The following EMID1 variants were observed in gnomAD, a reference collection of about 807,000 sequenced individuals.
The protein encoded by EMID1 is EMI domain-containing protein 1.
In EMID1, 40 loss-of-function variants were observed where a neutral mutation model predicts 60.6. That is an observed-to-expected ratio of 0.66 (90% confidence interval 0.51 to 0.86). The LOEUF (loss-of-function observed/expected upper bound fraction) is 0.86, where lower values mean the gene tolerates loss of function less well. EMID1 is among the 40% of genes least tolerant of loss of function. EMID1 has a pLI of 0.00. For missense variants in EMID1, 585 were observed against 597.1 expected (o/e 0.98, Z 0.21); for synonymous variants, 242 against 231.0 (o/e 1.05, Z -0.43).
intron 13 of EMID1, among the ~76,000 whole-genome samples, chr22:29,244,061 A>G (rs1461600325): frequency 6.6e-6 from 1 of 152,228 alleles, no homozygotes; most frequent in African/African-American, 2.4e-5. Context: ...ACTGCTATGT[A>G]CACGTTTGAT....
intron 13 of EMID1, among the ~76,000 whole-genome samples, chr22:29,247,306 T>A (rs1477965597): frequency 6.6e-6 from 1 of 152,232 alleles, no homozygotes; most frequent in Non-Finnish European, 1.5e-5. Context: ...GTTGGTACAA[T>A]GAATGTCATT....
intron 3 of EMID1, among the ~76,000 whole-genome samples, chr22:29,224,321 G>A (rs941155962): frequency 6.6e-6 from 1 of 152,214 alleles, no homozygotes; most frequent in Non-Finnish European, 1.5e-5. Flanking sequence ...GAAGGCCTGG[G>A]GGGCTGAGGG....
chr22:29,221,066 CGTGTGTGTGT>C (rs59651061), intron 3 of EMID1, among the ~76,000 whole-genome samples: 8,794 of 99,920 alleles, frequency 0.088, 497 homozygotes, highest in Admixed American at 0.097. Context: ...GGGGTGGGAA[CGTGTGTGTGT>C]GTGTGTGTGT....
At chr22:29,242,888 T>C (rs2041200558) in intron 12 of EMID1, among the ~76,000 whole-genome samples, 1 of 152,228 alleles carries the variant, frequency 6.6e-6, no homozygotes, top group South Asian at 2.1e-4. Context: ...CTCTGTCTCC[T>C]ATATGGTGGG....
intron 13 of EMID1, 151 bp from the exon 14 acceptor site, chr22:29,254,052 G>A (rs2041618424): frequency 6.6e-7 from 1 of 1,524,630 alleles, no homozygotes; most frequent in Non-Finnish European, 8.8e-7. Flanking sequence ...TCCTCACCTG[G>A]TCTTGTTCTG....
chr22:29,231,783 C>A (rs2040758918), intron 7 of EMID1, 101 bp downstream of exon 7: 2 of 1,176,226 alleles, frequency 1.7e-6, no homozygotes, highest in East Asian at 2.7e-5. Flanking sequence ...TGGGCCCTTT[C>A]ATCTACTTGC....
chr22:29,209,845 TAAG>T (rs2039813593), intron 1 of EMID1, among the ~76,000 whole-genome samples: 1 of 151,828 alleles, frequency 6.6e-6, no homozygotes. Flanking sequence ...GTGAGCAGAA[TAAG>T]AAGTGAAGGG....
At chr22:29,250,150 A>G (rs1325262348) in intron 13 of EMID1, among the ~76,000 whole-genome samples, 1 of 152,172 alleles carries the variant, frequency 6.6e-6, no homozygotes, top group Non-Finnish European at 1.5e-5. Flanking sequence ...CAGCTACTTG[A>G]GAGGCTGAGA....
chr22:29,245,887 A>G (rs1313175009), intron 13 of EMID1, among the ~76,000 whole-genome samples: 1 of 152,206 alleles, frequency 6.6e-6, no homozygotes, highest in African/African-American at 2.4e-5. Context: ...TCCTAGGGCC[A>G]GAGAACCAGC....
chr22:29,233,638 C>T lies in EMID1; in HGVS notation c.938C>T (p.Thr313Ile). The T allele has an allele frequency of 6.2e-7, 1 of 1,614,018 alleles. No homozygotes were observed. Among genetic ancestry groups the T allele is most frequent in the Non-Finnish European group, 8.5e-7 (1 of 1,179,890 alleles). ...PMGPPGPPGP[T>I]GVPGSPGHIG... ...GGTCCCCCTGGGCCTCCTGGCCCCA[C>T]AGGTGTCCCTGGGAGTCCTGGTCAC... The change falls in exon 10 of 15, where the codon ACA becomes ATA. Residue 313 changes from threonine to isoleucine, a missense_variant. Thr to Ile is a moderately conservative substitution (Grantham distance 89). Transcript: ENST00000334018.
In EMID1 at chr22:29,215,592, G is replaced by T; in HGVS notation, c.281G>T (p.Arg94Met). The T allele has an allele frequency of 1.9e-6, 3 of 1,614,132 alleles. No homozygotes were observed. Among genetic ancestry groups the T allele is most frequent in the Non-Finnish European group, 1.7e-6 (2 of 1,179,978 alleles). Residue 94 changes from arginine (R) to methionine (M), a missense_variant, in exon 3 of 15, where the codon AGG becomes ATG. Transcript: ENST00000334018. ...AAGATAGTGACCGCCCGTGAGTGGAGGTGCTGCCCTGGGCACTCAGGAGTG... is the reference window on the plus strand; with the variant it reads ...AAGATAGTGACCGCCCGTGAGTGGATGTGCTGCCCTGGGCACTCAGGAGTG... ...MYKIVTAREW[R>M]CCPGHSGVSC...
intron 5 of EMID1, 123 bp from the exon 6 acceptor site, chr22:29,230,897 A>G: frequency 1.5e-6 from 2 of 1,302,962 alleles, no homozygotes; most frequent in Non-Finnish European, 1.0e-6. Flanking sequence ...TTGAGGCTGC[A>G]TGAGCCGTCA....
intron 3 of EMID1, among the ~76,000 whole-genome samples, chr22:29,217,388 G>C (rs2040126628): frequency 6.6e-6 from 1 of 152,256 alleles, no homozygotes; most frequent in African/African-American, 2.4e-5. Flanking sequence ...CGTGGGTATG[G>C]GATATCTGAG....
chr22:29,256,166 C>T (rs944949542), intron 14 of EMID1, among the ~76,000 whole-genome samples: 1 of 152,110 alleles, frequency 6.6e-6, no homozygotes, highest in African/African-American at 2.4e-5. Context: ...CATGTCCAAC[C>T]TCGCATCTAT....
rs189202474 is a variant in EMID1, at chr22:29,234,362, G to A, written c.1074+13G>A. On this transcript the variant is annotated intron_variant, in intron 12 of 14. Coordinates refer to ENST00000334018, the MANE Select transcript of EMID1 (RefSeq NM_133455.4). ...TGCTGGGCAGCGGGTAAGTGTTGCT[G>A]TCTGTCCCGCATTCATCCCTGCAGG... The A allele has an allele frequency of 6.2e-7, 1 of 1,612,450 alleles. No homozygotes were observed. Among genetic ancestry groups the A allele is most frequent in the Non-Finnish European group, 8.5e-7 (1 of 1,179,596 alleles).
intron 3 of EMID1, among the ~76,000 whole-genome samples, chr22:29,216,894 G>A (rs540833859): frequency 6.6e-6 from 1 of 152,362 alleles, no homozygotes; most frequent in South Asian, 2.1e-4. Context: ...ACACCCCTGC[G>A]GAGAGGCAGC....
chr22:29,228,338 A>T (rs976223228), intron 5 of EMID1, among the ~76,000 whole-genome samples: 1 of 152,126 alleles, frequency 6.6e-6, no homozygotes, highest in African/African-American at 2.4e-5. Context: ...GAAAAAAAAA[A>T]GTAATTAATT....
rs763754361 is a variant in EMID1 at position 29,234,097 on chromosome 22, C to A, written c.967-40C>A. ...TTCCCAAGCCCCTGCCCACTCCATCCTGCCCCAACACAAGGCTGAGGCCCT... is the reference window on the plus strand; with the variant it reads ...TTCCCAAGCCCCTGCCCACTCCATCATGCCCCAACACAAGGCTGAGGCCCT... On this transcript the variant is annotated intron_variant, in intron 10 of 14. Transcript: ENST00000334018. 300 of 1,555,792 alleles carry A rather than the reference C, an allele frequency of 1.9e-4. No homozygotes were observed. The Admixed American group carries it at 2.0e-3, about 10-fold the overall frequency.
intron 12 of EMID1, among the ~76,000 whole-genome samples, chr22:29,240,141 C>T (rs2041100040): frequency 6.6e-6 from 1 of 152,084 alleles, no homozygotes; most frequent in Non-Finnish European, 1.5e-5. Flanking sequence ...TGAGCTTGTG[C>T]CCTTGGACTG....
Sources: allele counts gnomAD v4.1 joint callset (sites outside exome capture counted in the v4.1 genomes callset), GRCh38; gene constraint gnomAD v4.1.1; transcripts MANE v1.5; gene names NCBI Gene and HGNC (gene_info 2026-07-23, HGNC 2026-07-21).